The following ABLIM1 variants were observed in gnomAD, a reference collection of about 807,000 sequenced individuals.
ABLIM1 encodes actin binding LIM protein 1.
In ABLIM1, 40 loss-of-function variants were observed where a neutral mutation model predicts 107.0. The ratio of observed to expected loss-of-function variants is 0.37; its 90% CI spans 0.29 to 0.49. ABLIM1 has a LOEUF of 0.49. ABLIM1 is among the 20% of genes least tolerant of loss of function. ABLIM1 has a pLI of 0.97. For missense variants in ABLIM1, 857 were observed against 1,008.5 expected, an observed-to-expected ratio of 0.85 and a Z score of 2.04; for synonymous variants, 357 against 357.3, an observed-to-expected ratio of 1.00 and a Z score of 0.01.
chr10:114,458,170 T>C (rs1459840944), intron 12 of ABLIM1, among the ~76,000 whole-genome samples: 1 of 152,138 alleles, frequency 6.6e-6, no homozygotes, highest in Non-Finnish European at 1.5e-5. Flanking sequence ...ATAGCTATTT[T>C]GTTCCTTTAA....
upstream of ABLIM1, among the ~76,000 whole-genome samples, chr10:114,659,331 C>A (rs940206013): frequency 1.3e-5 from 2 of 150,822 alleles, no homozygotes; most frequent in South Asian, 4.2e-4. Flanking sequence ...CATAGCAAGA[C>A]TCTGTCTCTA....
At chr10:114,783,006 G>A in the ABLIM1 span, among the ~76,000 whole-genome samples, 1 of 151,972 alleles carries the variant, frequency 6.6e-6, no homozygotes, top group African/African-American at 2.4e-5. Flanking sequence ...GTTTGGCCAG[G>A]CACGGTGGCT....
intron 1 of ABLIM1, among the ~76,000 whole-genome samples, chr10:114,647,526 G>C (rs996165385): frequency 6.6e-6 from 1 of 152,222 alleles, no homozygotes; most frequent in East Asian, 1.9e-4. Context: ...TTCTAGTGAT[G>C]TCAAAAATGA....
chr10:114,496,841 T>C (rs994727835), intron 6 of ABLIM1, among the ~76,000 whole-genome samples: 4 of 152,104 alleles, frequency 2.6e-5, no homozygotes, highest in Non-Finnish European at 5.9e-5. Context: ...CAGTGCAGGC[T>C]TGAGAGGCTC....
At chr10:114,489,807 T>C (rs1413724320) in intron 7 of ABLIM1, among the ~76,000 whole-genome samples, 1 of 152,216 alleles carries the variant, frequency 6.6e-6, no homozygotes, top group Non-Finnish European at 1.5e-5. Context: ...CTGCTCTTTC[T>C]TCAAAGATGT....
intron 1 of ABLIM1, among the ~76,000 whole-genome samples, chr10:114,700,406 G>C (rs1427147375): frequency 1.3e-5 from 2 of 151,836 alleles, no homozygotes; most frequent in African/African-American, 4.8e-5. Flanking sequence ...AATATTCTCA[G>C]CAGGTGTTTT....
At chr10:114,490,356 GC>G (rs2058751860) in intron 7 of ABLIM1, among the ~76,000 whole-genome samples, 1 of 152,152 alleles carries the variant, frequency 6.6e-6, no homozygotes, top group African/African-American at 2.4e-5. Context: ...CATGTAGCTA[GC>G]CTTTTTTAAG....
intron 2 of ABLIM1, among the ~76,000 whole-genome samples, chr10:114,578,153 G>A (rs185435337): frequency 1.3e-5 from 2 of 152,146 alleles, no homozygotes; most frequent in African/African-American, 2.4e-5. Flanking sequence ...AACTTTATGC[G>A]AGGGATGATC....
chr10:114,463,379 TAC>T (rs2064369325), intron 12 of ABLIM1, among the ~76,000 whole-genome samples: 1 of 152,146 alleles, frequency 6.6e-6, no homozygotes, highest in African/African-American at 2.4e-5. Flanking sequence ...TTCAGGTGGG[TAC>T]AGAGTCACTC....
chr10:114,634,712 T>C (rs978346358), intron 1 of ABLIM1, among the ~76,000 whole-genome samples: 2 of 152,132 alleles, frequency 1.3e-5, no homozygotes, highest in African/African-American at 4.8e-5. Context: ...GAAAGAATTT[T>C]TCTGTGCCAC....
chr10:114,781,848 T>A, the ABLIM1 span, among the ~76,000 whole-genome samples: 1 of 151,908 alleles, frequency 6.6e-6, no homozygotes, highest in African/African-American at 2.4e-5. Flanking sequence ...CCAATTAAAT[T>A]GCCAAAATCT....
chr10:114,632,017 C>A, intron 1 of ABLIM1: 1 of 1,287,968 alleles, frequency 7.8e-7, no homozygotes, highest in Non-Finnish European at 1.0e-6. Context: ...GGCGCTGGGG[C>A]AGCCAGGAGA....
intron 6 of ABLIM1, among the ~76,000 whole-genome samples, chr10:114,531,751 C>T (rs2065473528): frequency 6.6e-6 from 1 of 152,078 alleles, no homozygotes; most frequent in Admixed American, 6.6e-5. Context: ...CTCCTGACCT[C>T]GTGATCTGCC....
At chr10:114,786,977 C>T in the ABLIM1 span, among the ~76,000 whole-genome samples, 3 of 150,392 alleles carry the variant, frequency 2.0e-5, no homozygotes, top group African/African-American at 7.3e-5. Flanking sequence ...TGTGAGGAGC[C>T]CCTCTGCCTG....
chr10:114,617,944 T>C (rs1342171914), intron 1 of ABLIM1, among the ~76,000 whole-genome samples: 3 of 152,104 alleles, frequency 2.0e-5, no homozygotes, highest in African/African-American at 7.2e-5. Context: ...CAAGACCCTG[T>C]CTCTATAAGA....
chr10:114,533,041 T>A (rs1043019727), intron 6 of ABLIM1, among the ~76,000 whole-genome samples: 10 of 152,330 alleles, frequency 6.6e-5, no homozygotes, highest in Admixed American at 5.2e-4. Context: ...AAAATATTTT[T>A]AAAAAATTTT....
chr10:114,637,697 G>A (rs892598342), intron 1 of ABLIM1, among the ~76,000 whole-genome samples: 2 of 152,160 alleles, frequency 1.3e-5, no homozygotes, highest in African/African-American at 4.8e-5. Flanking sequence ...ATAAATGACA[G>A]AGTGAACAAA....
At chr10:114,519,370 T>C (rs1017979422) in intron 6 of ABLIM1, among the ~76,000 whole-genome samples, 1 of 152,214 alleles carries the variant, frequency 6.6e-6, no homozygotes, top group African/African-American at 2.4e-5. Context: ...GAGATCTTCC[T>C]GGTTGGTGCA....
At chr10:114,546,774 G>A (rs868054076) in intron 5 of ABLIM1, among the ~76,000 whole-genome samples, 1 of 152,060 alleles carries the variant, frequency 6.6e-6, no homozygotes, top group African/African-American at 2.4e-5. Flanking sequence ...ATGAATTAAT[G>A]AATGAATTTA....
Sources: allele counts gnomAD v4.1 joint callset (sites outside exome capture counted in the v4.1 genomes callset), GRCh38; gene constraint gnomAD v4.1.1; transcripts MANE v1.5; gene names NCBI Gene and HGNC (gene_info 2026-07-23, HGNC 2026-07-21).